Variants in ZBED6 observed in about 807,000 individuals in gnomAD.
ZBED6 encodes zinc finger BED-type containing 6.
A neutral mutation model predicts 58.4 loss-of-function variants in ZBED6; 40 were observed. The ratio of observed to expected loss-of-function variants is 0.68; its 90% CI spans 0.53 to 0.89. The LOEUF (loss-of-function observed/expected upper bound fraction) is 0.89, where lower values mean the gene tolerates loss of function less well. Among genes scored for constraint, ZBED6 ranks in the 40% least tolerant of loss-of-function variants. The pLI is 0.00. For synonymous variants in ZBED6, 439 were observed against 350.6 expected (o/e 1.25, Z -2.82); for missense variants, 1,057 against 1,003.9 (o/e 1.05, Z -0.71).
exon 1 of ZBED6, chr1:203,801,711 T>G (rs996980429): frequency 6.5e-6 from 1 of 152,704 alleles, no homozygotes; most frequent in Non-Finnish European, 1.5e-5. Context: ...AGCCTAGAAA[T>G]TATGTAGTAT....
intron 8 of ZBED6, among the ~76,000 whole-genome samples, chr1:203,832,396 T>G (rs1049442796): frequency 4.6e-5 from 7 of 151,996 alleles, no homozygotes; most frequent in African/African-American, 1.7e-4. Context: ...AGTCTTGCTC[T>G]GTCGCCCAGG....
intron 3 of ZBED6, among the ~76,000 whole-genome samples, chr1:203,824,206 T>G (rs1679722458): frequency 2.0e-5 from 3 of 150,242 alleles, no homozygotes; most frequent in African/African-American, 4.9e-5. Context: ...AGGTGGAGAT[T>G]GCAGTGAGCC....
intron 10 of ZBED6, 123 bp downstream of exon 10, chr1:203,838,187 T>A (rs1684966680): frequency 1.1e-6 from 1 of 922,732 alleles, no homozygotes; most frequent in African/African-American, 1.7e-5. Flanking sequence ...ATTTGTTATA[T>A]TATTCACTCA....
At chr1:203,833,712 C>A in intron 8 of ZBED6, 79 bp from the exon 9 acceptor site, 1 of 1,083,708 alleles carries the variant, frequency 9.2e-7, no homozygotes, top group Non-Finnish European at 1.2e-6. Flanking sequence ...AATATCAGAA[C>A]ATACTTTGTA....
intron 7 of ZBED6, among the ~76,000 whole-genome samples, chr1:203,831,191 C>T (rs143322592): frequency 1.9e-4 from 29 of 151,886 alleles, no homozygotes; most frequent in African/African-American, 6.3e-4. Context: ...TAATCCACTG[C>T]GCCCAGCCCC....
chr1:203,811,286 C>CA (rs1397762538), intron 1 of ZBED6, among the ~76,000 whole-genome samples: 5 of 152,156 alleles, frequency 3.3e-5, no homozygotes, highest in Middle Eastern at 3.4e-3. Context: ...TCAGCCTGGG[C>CA]AACAAGAGCA....
At chr1:203,847,557 G>C in exon 12 of ZBED6, 1 of 1,613,948 alleles carries the variant, frequency 6.2e-7, no homozygotes, top group Non-Finnish European at 8.5e-7. Context: ...TGCACATCAA[G>C]ACGCTGGAAG....
chr1:203,799,556 C>T, exon 1 of ZBED6: 1 of 702,992 alleles, frequency 1.4e-6, no homozygotes, highest in South Asian at 1.5e-5. Flanking sequence ...TTGTGCTCAC[C>T]TCCCTTCAGT....
intron 9 of ZBED6, among the ~76,000 whole-genome samples, chr1:203,836,333 C>T (rs1014858287): frequency 1.3e-5 from 2 of 152,222 alleles, no homozygotes; most frequent in African/African-American, 4.8e-5. Context: ...GAGAAACAAT[C>T]ATACTCTGTG....
chr1:203,842,723 A>G (rs1447994681), intron 11 of ZBED6, among the ~76,000 whole-genome samples: 1 of 151,634 alleles, frequency 6.6e-6, no homozygotes, highest in Non-Finnish European at 1.5e-5. Flanking sequence ...GTAAAGATAT[A>G]AACATATACC....
chr1:203,827,743 T>C (rs942809709), intron 3 of ZBED6, among the ~76,000 whole-genome samples: 3 of 152,124 alleles, frequency 2.0e-5, no homozygotes, highest in African/African-American at 4.8e-5. Context: ...TGTGTTGTTA[T>C]AGGTGCCTTA....
At chr1:203,816,989 G>C in exon 2 of ZBED6, 1 of 934,322 alleles carries the variant, frequency 1.1e-6, no homozygotes. Context: ...CCCATTTCAC[G>C]AGGACTTGGA....
intron 3 of ZBED6, among the ~76,000 whole-genome samples, chr1:203,821,491 C>A (rs1678682124): frequency 6.6e-6 from 1 of 152,118 alleles, no homozygotes; most frequent in Admixed American, 6.5e-5. Context: ...TTTTTGTGTT[C>A]TTTTGATGTT....
intron 3 of ZBED6, among the ~76,000 whole-genome samples, chr1:203,826,644 A>G (rs1256505370): frequency 6.6e-6 from 1 of 152,002 alleles, no homozygotes; most frequent in Non-Finnish European, 1.5e-5. Context: ...TCTTTTTGTA[A>G]TGGTTATTGT....
intron 9 of ZBED6, among the ~76,000 whole-genome samples, chr1:203,835,317 A>G (rs1265103570): frequency 2.0e-5 from 3 of 152,320 alleles, no homozygotes; most frequent in Non-Finnish European, 4.4e-5. Flanking sequence ...ACTTGATATC[A>G]GTAAATATTT....
intron 1 of ZBED6, among the ~76,000 whole-genome samples, chr1:203,804,741 TG>T (rs1482467638): frequency 1.3e-5 from 2 of 151,720 alleles, no homozygotes; most frequent in African/African-American, 4.8e-5. Flanking sequence ...GGTGCTGTCT[TG>T]GCTCATTGCA....
At chr1:203,833,210 A>G (rs753129231) in intron 8 of ZBED6, among the ~76,000 whole-genome samples, 2 of 152,100 alleles carry the variant, frequency 1.3e-5, no homozygotes, top group Non-Finnish European at 2.9e-5. Flanking sequence ...TCTACTAAAA[A>G]TACAAAATTT....
chr1:203,812,754 G>T (rs1674950242), intron 1 of ZBED6, among the ~76,000 whole-genome samples: 1 of 151,606 alleles, frequency 6.6e-6, no homozygotes. Context: ...GCTAATTTTT[G>T]TATTTTTAGT....
chr1:203,797,354 A>G, exon 1 of ZBED6: 1 of 595,656 alleles, frequency 1.7e-6, no homozygotes, highest in East Asian at 3.1e-5. Flanking sequence ...CATTGCTGTC[A>G]GTTTTCCTCC....
Sources: allele counts gnomAD v4.1 joint callset (sites outside exome capture counted in the v4.1 genomes callset), GRCh38; gene constraint gnomAD v4.1.1; transcripts MANE v1.5; gene names NCBI Gene and HGNC (gene_info 2026-07-23, HGNC 2026-07-21).